The following HERC4 variants were observed in gnomAD, a reference collection of about 807,000 sequenced individuals.
HERC4 encodes the protein probable E3 ubiquitin-protein ligase HERC4.
In HERC4, 28 loss-of-function variants were observed where a neutral mutation model predicts 124.3. The observed-to-expected ratio is 0.23, with a 90% CI of 0.17 to 0.31. The LOEUF (loss-of-function observed/expected upper bound fraction) is 0.31, where lower values mean the gene tolerates loss of function less well. Among genes scored for constraint, HERC4 ranks in the 10% least tolerant of loss-of-function variants. The pLI is 1.00. For missense variants in HERC4, 713 were observed against 1,229.3 expected, an observed-to-expected ratio of 0.58 and a Z score of 6.28; for synonymous variants, 407 against 421.5, an observed-to-expected ratio of 0.97 and a Z score of 0.42.
At chr10:67,929,686 T>C (rs1392880633) in intron 23 of HERC4, among the ~76,000 whole-genome samples, 2 of 151,892 alleles carry the variant, frequency 1.3e-5, no homozygotes, top group Non-Finnish European at 2.9e-5. Context: ...GGCCAATTTT[T>C]GTATTTTTTG....
In HERC4 at chr10:67,988,804, T is replaced by C; in HGVS notation, c.1665A>G (p.Leu555=). ...TAAAAAGTTCTACTATCTTGAGGAA[T>C]AGTGGAGGTTCAAGTACTGACCACC... ...ENWWSVLEPP[L]FLKIVELFKE... Residue 555 remains leucine, a synonymous_variant, in exon 15 of 25, where the codon CTA becomes CTG. Coordinates refer to ENST00000373700, the MANE Select transcript of HERC4 (RefSeq NM_015601.4). 2.5e-6 allele frequency: 4 copies of C among 1,605,738 alleles called. No individual in the cohort carries two copies. The highest frequency in any genetic ancestry group is 3.4e-6 in the Non-Finnish European group (4 of 1,176,548).
chr10:68,050,564 T>A (rs1330060132), intron 3 of HERC4, among the ~76,000 whole-genome samples: 1 of 152,196 alleles, frequency 6.6e-6, no homozygotes, highest in Non-Finnish European at 1.5e-5. Flanking sequence ...GATAATGACT[T>A]CAGCAATACA....
At chr10:67,968,727 G>A (rs1249794578) in intron 15 of HERC4, among the ~76,000 whole-genome samples, 1 of 151,590 alleles carries the variant, frequency 6.6e-6, no homozygotes, top group Admixed American at 6.6e-5. Context: ...CAGAGGAAAA[G>A]GGGCATATTT....
chr10:68,026,687 C>CA (rs1428254771), intron 7 of HERC4, among the ~76,000 whole-genome samples: 1 of 151,838 alleles, frequency 6.6e-6, no homozygotes, highest in African/African-American at 2.4e-5. Context: ...ACTAAAAATG[C>CA]AAAAAAATAG....
At chr10:68,039,457 G>C in intron 4 of HERC4, 1 of 1,550,844 alleles carries the variant, frequency 6.4e-7, no homozygotes, top group Middle Eastern at 1.7e-4. Flanking sequence ...ATTCTGACCA[G>C]AGAGTCGACA....
intron 3 of HERC4, among the ~76,000 whole-genome samples, chr10:68,070,917 C>G (rs2041543861): frequency 6.6e-6 from 1 of 152,170 alleles, no homozygotes; most frequent in Non-Finnish European, 1.5e-5. Flanking sequence ...TTAATTCTAT[C>G]CCATAATATT....
intron 3 of HERC4, among the ~76,000 whole-genome samples, chr10:68,062,813 T>C (rs1011347255): frequency 1.3e-5 from 2 of 152,066 alleles, no homozygotes; most frequent in Admixed American, 6.6e-5. Context: ...TAACTATTTC[T>C]TTACCTCCAA....
chr10:68,005,684 T>A (rs71475224), intron 9 of HERC4, among the ~76,000 whole-genome samples: 15,745 of 151,942 alleles, frequency 0.1, 909 homozygotes, highest in South Asian at 0.15. Flanking sequence ...TTTTTTTTTT[T>A]AATTTTCTGT....
intron 3 of HERC4, among the ~76,000 whole-genome samples, chr10:68,063,767 G>T (rs372790810): frequency 1.4e-5 from 2 of 145,592 alleles, no homozygotes; most frequent in African/African-American, 2.6e-5. Context: ...GCAAAACCCC[G>T]TCTCTACTAA....
At chr10:68,028,615 C>T (rs1017982077) in intron 7 of HERC4, among the ~76,000 whole-genome samples, 5 of 152,136 alleles carry the variant, frequency 3.3e-5, no homozygotes, top group African/African-American at 1.2e-4. Context: ...ATACATGGTT[C>T]ATCACTTCTA....
intron 9 of HERC4, 93 bp downstream of exon 9, chr10:68,013,933 G>T: frequency 2.8e-6 from 3 of 1,075,178 alleles, no homozygotes; most frequent in Non-Finnish European, 2.7e-6. Flanking sequence ...AATGTATCTT[G>T]GAATTCTTTC....
intron 3 of HERC4, among the ~76,000 whole-genome samples, chr10:68,072,117 C>G (rs972872216): frequency 1.3e-5 from 2 of 152,114 alleles, no homozygotes; most frequent in African/African-American, 4.8e-5. Flanking sequence ...TCTGAATTTA[C>G]CACCTGAAAT....
At chr10:68,069,207 A>G in intron 3 of HERC4, 1 of 960,330 alleles carries the variant, frequency 1.0e-6, no homozygotes, top group South Asian at 4.8e-5. Flanking sequence ...ACTGAATTTG[A>G]AAGTATAAAA....
intron 22 of HERC4, among the ~76,000 whole-genome samples, chr10:67,935,618 A>T (rs893203383): frequency 6.6e-6 from 1 of 152,020 alleles, no homozygotes; most frequent in Non-Finnish European, 1.5e-5. Context: ...CTTTAGTTCA[A>T]TTTCTCCAGA....
intron 23 of HERC4, among the ~76,000 whole-genome samples, chr10:67,926,080 TA>T: frequency 6.6e-6 from 1 of 152,230 alleles, no homozygotes; most frequent in Admixed American, 6.5e-5. Flanking sequence ...GCAATAGGAC[TA>T]AAATATCTCC....
At chr10:68,006,497 G>A (rs1328649853) in intron 9 of HERC4, among the ~76,000 whole-genome samples, 1 of 151,388 alleles carries the variant, frequency 6.6e-6, no homozygotes, top group Admixed American at 6.6e-5. Flanking sequence ...TCAGCCTCCT[G>A]AGTAGCTGGG....
chr10:67,947,736 A>G (rs1480777409), intron 19 of HERC4, among the ~76,000 whole-genome samples: 1 of 152,194 alleles, frequency 6.6e-6, no homozygotes, highest in African/African-American at 2.4e-5. Flanking sequence ...AAAAAGACTA[A>G]AATCATAAAA....
At chr10:67,968,599 T>A (rs1342638512) in intron 15 of HERC4, among the ~76,000 whole-genome samples, 2 of 151,860 alleles carry the variant, frequency 1.3e-5, no homozygotes, top group Non-Finnish European at 2.9e-5. Context: ...ATGGTCTCAA[T>A]CTCCTGACCT....
intron 24 of HERC4, 31 bp from the exon 25 acceptor site, chr10:67,923,170 C>T (rs1416415248): frequency 6.5e-7 from 1 of 1,546,836 alleles, no homozygotes; most frequent in South Asian, 1.1e-5. Flanking sequence ...CAGTCAACCA[C>T]TTCAAAACAA....
Sources: gnomAD v4.1 joint callset for allele counts (sites outside exome capture counted in the v4.1 genomes callset) on GRCh38, gnomAD v4.1.1 for gene constraint, MANE v1.5 for transcripts, NCBI Gene and HGNC (gene_info 2026-07-23, HGNC 2026-07-21) for gene names.